The following STPG2 variants were observed in gnomAD, a reference collection of about 807,000 sequenced individuals.
STPG2 encodes the protein sperm-tail PG-rich repeat-containing protein 2.
STPG2 carries 56 observed loss-of-function variants against 54.2 expected under a neutral mutation model. The observed-to-expected ratio is 1.03, with a 90% CI of 0.83 to 1.29. The LOEUF (loss-of-function observed/expected upper bound fraction) is 1.29. STPG2 is among the 50% of genes most tolerant of loss of function. The probability of loss-of-function intolerance (pLI) is 0.00; values close to 1 mark genes in which losing one functional copy is unlikely to be tolerated. For synonymous variants in STPG2, 200 were observed against 181.8 expected, an observed-to-expected ratio of 1.10 and a Z score of -0.81; for missense variants, 596 against 544.9, an observed-to-expected ratio of 1.09 and a Z score of -0.93.
intron 10 of STPG2, among the ~76,000 whole-genome samples, chr4:97,560,329 G>A (rs538355752): frequency 1.4e-4 from 22 of 152,196 alleles, no homozygotes; most frequent in African/African-American, 4.8e-4. Context: ...CAATCATATT[G>A]TAAAACTTTG....
intron 10 of STPG2, among the ~76,000 whole-genome samples, chr4:97,612,455 T>C (rs1260683489): frequency 1.3e-5 from 2 of 152,100 alleles, no homozygotes; most frequent in Non-Finnish European, 2.9e-5. Context: ...ATTGACCCTA[T>C]AATCCTCTTG....
chr4:97,854,548 C>G (rs906865446), intron 8 of STPG2, among the ~76,000 whole-genome samples: 1 of 149,358 alleles, frequency 6.7e-6, no homozygotes, highest in African/African-American at 2.4e-5. Flanking sequence ...TTTACACTAG[C>G]AAATATTCAT....
chr4:97,598,945 G>T (rs563306755), intron 10 of STPG2, among the ~76,000 whole-genome samples: 2 of 152,100 alleles, frequency 1.3e-5, no homozygotes, highest in South Asian at 4.1e-4. Flanking sequence ...TTAAACTAAA[G>T]AGCTTCTGCC....
chr4:97,703,746 A>G (rs1723859639), intron 10 of STPG2, among the ~76,000 whole-genome samples: 1 of 144,708 alleles, frequency 6.9e-6, no homozygotes, highest in African/African-American at 2.5e-5. Flanking sequence ...ATATTATCGT[A>G]TATATATAGT....
intron 5 of STPG2, among the ~76,000 whole-genome samples, chr4:97,992,625 T>A (rs1373658983): frequency 3.3e-5 from 5 of 152,208 alleles, no homozygotes; most frequent in Non-Finnish European, 7.4e-5. Context: ...TTTTTCCTAG[T>A]TCTGTGAAGA....
intron 2 of STPG2, among the ~76,000 whole-genome samples, chr4:98,132,948 T>TAAAAAAAAAA (rs200375140): frequency 7.9e-5 from 8 of 101,468 alleles, no homozygotes; most frequent in Admixed American, 1.1e-4. Flanking sequence ...TGAAATGAAC[T>TAAAAAAAAAA]AAAAAAAAAA....
chr4:97,909,479 C>T (rs1165015897), intron 8 of STPG2, among the ~76,000 whole-genome samples: 3 of 152,050 alleles, frequency 2.0e-5, no homozygotes, highest in Non-Finnish European at 1.5e-5. Context: ...ATAACCATGA[C>T]ATCAAACCCT....
intron 9 of STPG2, among the ~76,000 whole-genome samples, chr4:97,828,706 C>T (rs554459151): frequency 3.3e-5 from 5 of 152,176 alleles, no homozygotes; most frequent in South Asian, 2.1e-4. Context: ...AGCTTGATCG[C>T]GGGAGGGGCA....
chr4:98,084,175 G>T (rs1738438657), intron 5 of STPG2, among the ~76,000 whole-genome samples: 1 of 152,064 alleles, frequency 6.6e-6, no homozygotes, highest in East Asian at 1.9e-4. Flanking sequence ...GTCTTTTTTA[G>T]AATTTTATAT....
rs375391769 is a variant in STPG2 at position 98,134,361 on chromosome 4, C to T, written c.208G>A (p.Val70Ile). 5 of 1,552,902 alleles carry T rather than the reference C, an allele frequency of 3.2e-6. No homozygotes were observed. The highest frequency in any genetic ancestry group is 4.4e-6 in the Non-Finnish European group (5 of 1,146,822). Residue 70 changes from valine to isoleucine, a missense_variant, in exon 2 of 11, where the codon GTT (valine) becomes ATT (isoleucine). Transcript: ENST00000295268. ...KAVPGPGHYN[V>I]SEAQKISRSP... ...TATAAAGTTACCTGTGCTTCTGAAA[C>T]ATTATAGTGTCCTGGACCTGGAACA...
chr4:97,487,574 C>T (rs1730399835), intron 4 of STPG2, among the ~76,000 whole-genome samples: 1 of 151,340 alleles, frequency 6.6e-6, no homozygotes, highest in African/African-American at 2.4e-5. Context: ...AATTAGAATG[C>T]ATGTTACACT....
intron 9 of STPG2, among the ~76,000 whole-genome samples, chr4:97,761,917 T>C (rs1725900613): frequency 6.6e-6 from 1 of 152,122 alleles, no homozygotes; most frequent in African/African-American, 2.4e-5. Context: ...ACCTCATATG[T>C]GTGGCTATTT....
intron 10 of STPG2, among the ~76,000 whole-genome samples, chr4:97,612,386 A>G (rs1733753451): frequency 6.6e-6 from 1 of 152,058 alleles, no homozygotes; most frequent in Admixed American, 6.6e-5. Context: ...AAAATAATTC[A>G]GCAAAAAAAA....
At position 97,975,197 on chromosome 4, in the gene STPG2, C is replaced by T. The variant is rs576030723; in HGVS notation, c.773-2757G>A. Among the ~76,000 whole-genome samples, 201 of 152,216 alleles carry T rather than the reference C, an allele frequency of 1.3e-3. 1 individual carries two copies. Among genetic ancestry groups the T allele is most frequent in the African/African-American group, 4.5e-3 (186 of 41,546 alleles). ...TAGGAATGATTAAAGTGCTCCAAAA[C>T]ATTACTGTAATTCTGATTGCCTGAC... On this transcript the variant is annotated intron_variant, in intron 6 of 10. Coordinates refer to ENST00000295268, the MANE Select transcript of STPG2 (RefSeq NM_174952.3).
intron 3 of STPG2, among the ~76,000 whole-genome samples, chr4:98,120,911 T>C (rs542122483): frequency 6.6e-6 from 1 of 152,328 alleles, no homozygotes; most frequent in South Asian, 2.1e-4. Context: ...TTTAATTAGG[T>C]CCCAGTTGTC....
At chr4:97,949,872 TTTTTGTTTTTTG>T (rs1046767416) in intron 7 of STPG2, among the ~76,000 whole-genome samples, 3 of 117,274 alleles carry the variant, frequency 2.6e-5, no homozygotes, top group African/African-American at 1.3e-4. Flanking sequence ...TGTGTTTTGT[TTTTTGTTTTTTG>T]TTTTGTTTTT....
intron 10 of STPG2, among the ~76,000 whole-genome samples, chr4:97,639,413 G>T (rs1196475430): frequency 2.0e-5 from 3 of 151,782 alleles, no homozygotes; most frequent in African/African-American, 7.3e-5. Context: ...GTTAGTGGGT[G>T]CAGCACACCA....
intron 3 of STPG2, among the ~76,000 whole-genome samples, chr4:98,112,949 G>A (rs988229300): frequency 7.3e-5 from 11 of 150,320 alleles, no homozygotes; most frequent in South Asian, 2.1e-4. Context: ...CTGGGTTTGC[G>A]TTCTAACACA....
At chr4:97,940,560 C>A (rs909236659) in intron 8 of STPG2, among the ~76,000 whole-genome samples, 2 of 152,090 alleles carry the variant, frequency 1.3e-5, no homozygotes, top group African/African-American at 2.4e-5. Flanking sequence ...TCTCCAAATT[C>A]TAAGATTCTT....
Sources: gnomAD v4.1 joint callset for allele counts (sites outside exome capture counted in the v4.1 genomes callset) on GRCh38, gnomAD v4.1.1 for gene constraint, MANE v1.5 for transcripts, NCBI Gene and HGNC (gene_info 2026-07-23, HGNC 2026-07-21) for gene names.